CACNA1C: variants seen among roughly 807,000 people sequenced by gnomAD.
The protein encoded by CACNA1C is calcium voltage-gated channel subunit alpha1 C.
Under a neutral mutation model 229.0 loss-of-function variants are expected in CACNA1C, and 30 were observed. The ratio of observed to expected loss-of-function variants is 0.13; its 90% CI spans 0.10 to 0.18. CACNA1C has a LOEUF of 0.18. Ranked by LOEUF, CACNA1C falls within the 10% of genes least tolerant of loss-of-function variation. CACNA1C has a pLI of 1.00. For missense variants in CACNA1C, 1,658 were observed against 2,845.0 expected (o/e 0.58, Z 9.49); for synonymous variants, 1,114 against 1,132.5 (o/e 0.98, Z 0.33).
At chr12:1,973,229 T>G (rs1592855385) in intron 1 of CACNA1C, among the ~76,000 whole-genome samples, 1 of 152,170 alleles carries the variant, frequency 6.6e-6, no homozygotes, top group East Asian at 1.9e-4. Flanking sequence ...ATGGTTTTAC[T>G]GCACCTCACA....
intron 1 of CACNA1C, among the ~76,000 whole-genome samples, chr12:2,002,214 C>T (rs923123309): frequency 6.6e-6 from 1 of 152,208 alleles, no homozygotes; most frequent in Non-Finnish European, 1.5e-5. Context: ...ATCCCCCCTG[C>T]CTTCTTGTAA....
chr12:2,121,719 A>G (rs1388400229), intron 3 of CACNA1C, among the ~76,000 whole-genome samples: 2 of 152,228 alleles, frequency 1.3e-5, no homozygotes, highest in African/African-American at 4.8e-5. Flanking sequence ...GTCAAAATAA[A>G]TACAAGCCAA....
chr12:2,333,229 T>C (rs111907594), intron 3 of CACNA1C, among the ~76,000 whole-genome samples: 9 of 152,286 alleles, frequency 5.9e-5, no homozygotes, highest in African/African-American at 2.2e-4. Context: ...ACACTAAGTA[T>C]TGGAGAGACA....
At chr12:2,383,392 G>A (rs1451446680) in intron 3 of CACNA1C, among the ~76,000 whole-genome samples, 1 of 152,166 alleles carries the variant, frequency 6.6e-6, no homozygotes, top group African/African-American at 2.4e-5. Flanking sequence ...TAAGAGATCA[G>A]CAACATAGCT....
chr12:2,508,110 A>C (rs1443314475), intron 8 of CACNA1C, among the ~76,000 whole-genome samples: 2 of 152,242 alleles, frequency 1.3e-5, no homozygotes, highest in Admixed American at 6.5e-5. Context: ...GCAGATCTTC[A>C]TGGCCCTTGA....
chr12:2,198,780 C>T (rs2097497765), intron 3 of CACNA1C, among the ~76,000 whole-genome samples: 1 of 151,964 alleles, frequency 6.6e-6, no homozygotes, highest in Non-Finnish European at 1.5e-5. Context: ...CTGCTGTGGC[C>T]GGCCCTCATT....
In CACNA1C at chr12:2,431,362, C is replaced by T. The variant is rs545569252; in HGVS notation, c.478-17614C>T. 3.9e-5 allele frequency among the ~76,000 whole-genome samples: 6 copies of T among 152,346 alleles called. No individual in the cohort carries two copies. In the South Asian group the frequency reaches 1.2e-3, roughly 32 times the overall value. ...ATCAGACTCACAGAGGCTGTGTCAC[C>T]TACCCAAGGTCACCCAGCTTGATAA... On this transcript the variant is annotated intron_variant, in intron 3 of 46. Transcript: ENST00000399655.
At chr12:2,091,493 C>T (rs1001136777) in intron 1 of CACNA1C, among the ~76,000 whole-genome samples, 8 of 152,140 alleles carry the variant, frequency 5.3e-5, no homozygotes, top group Non-Finnish European at 1.2e-4. Flanking sequence ...TAGAGAATGC[C>T]CACATTCCTT....
At position 2,655,188 on chromosome 12, in the gene CACNA1C, C is replaced by T. The variant is rs751947456; in HGVS notation, c.4182C>T (p.Asn1394=). 6.2e-7 allele frequency: 1 copy of T among 1,613,826 alleles called. No homozygotes were observed. Among genetic ancestry groups the T allele is most frequent in the Admixed American group, 1.7e-5 (1 of 60,018 alleles). The part of the protein sequence containing the change: ...KIALNDTTEI[N]RNNNFQTFPQ... ...CCCTGAATGATACCACAGAGATCAA[C>T]CGGAACAACAACTTTCAGACCTTCC... Residue 1394 remains asparagine, a synonymous_variant, in exon 34 of 47, where the codon AAC becomes AAT. Transcript: ENST00000399655.
At chr12:2,260,581 G>T (rs973227912) in intron 3 of CACNA1C, among the ~76,000 whole-genome samples, 3 of 152,134 alleles carry the variant, frequency 2.0e-5, no homozygotes, top group Non-Finnish European at 4.4e-5. Context: ...TGGAGGCAAG[G>T]CTCTCACTTC....
chr12:2,212,184 A>G (rs987060068), intron 3 of CACNA1C, among the ~76,000 whole-genome samples: 5 of 152,198 alleles, frequency 3.3e-5, no homozygotes, highest in African/African-American at 1.2e-4. Context: ...GAAACAAAGA[A>G]TGAATTTTGT....
At chr12:2,162,897 A>G (rs1412404394) in intron 3 of CACNA1C, among the ~76,000 whole-genome samples, 1 of 152,184 alleles carries the variant, frequency 6.6e-6, no homozygotes, top group African/African-American at 2.4e-5. Flanking sequence ...GAACGTCTTC[A>G]TTAAAACTAG....
chr12:2,605,206 C>A lies in CACNA1C; in HGVS notation c.3048+38C>A. The A allele has an allele frequency of 7.0e-7, 1 of 1,427,650 alleles. No individual in the cohort carries two copies. The highest frequency in any genetic ancestry group is 9.9e-7 in the Non-Finnish European group (1 of 1,010,676). 88.4% of individuals were successfully genotyped at this position (1,427,650 alleles called of 1,614,324 possible). On this transcript the variant is annotated intron_variant, in intron 23 of 46. Transcript: ENST00000399655. This position sits in a 1 kb window ranked among gnomAD's most constrained non-coding sequence, Gnocchi z 6.2. Reference sequence around the variant, plus strand: ...CTTGGGTAGGGAGTCTCCAGCCAGCCCATTGGGGAGTGGGAGCTCCACAGA... The same window carrying A: ...CTTGGGTAGGGAGTCTCCAGCCAGCACATTGGGGAGTGGGAGCTCCACAGA...
At chr12:2,644,941 T>C (rs1053678654) in intron 30 of CACNA1C, among the ~76,000 whole-genome samples, 2 of 152,252 alleles carry the variant, frequency 1.3e-5, no homozygotes, top group African/African-American at 2.4e-5. Flanking sequence ...GCCTGTTATC[T>C]GGAACCACTA....
chr12:2,143,595 T>C (rs2094459862), intron 3 of CACNA1C, among the ~76,000 whole-genome samples: 1 of 151,338 alleles, frequency 6.6e-6, no homozygotes. Flanking sequence ...CTAGGCTGTA[T>C]GTAGCATACA....
chr12:2,138,207 T>A (rs981763678), intron 3 of CACNA1C, among the ~76,000 whole-genome samples: 1 of 151,340 alleles, frequency 6.6e-6, no homozygotes, highest in Non-Finnish European at 1.5e-5. Flanking sequence ...AGGTCAGGCA[T>A]CAAGAATAAG....
intron 3 of CACNA1C, among the ~76,000 whole-genome samples, chr12:2,124,325 T>C (rs79188959): frequency 0.015 from 2,267 of 152,242 alleles, 52 homozygotes; most frequent in African/African-American, 0.052. Flanking sequence ...TTCACATAGG[T>C]TGACATATTT....
intron 3 of CACNA1C, among the ~76,000 whole-genome samples, chr12:2,424,733 G>A (rs1183894050): frequency 2.0e-5 from 3 of 152,202 alleles, no homozygotes; most frequent in African/African-American, 7.2e-5. Context: ...AAGTGGCAAA[G>A]TCTGTTCCAG....
chr12:2,443,449 G>A (rs1291012679), intron 3 of CACNA1C, among the ~76,000 whole-genome samples: 4 of 152,150 alleles, frequency 2.6e-5, no homozygotes, highest in Non-Finnish European at 5.9e-5. Flanking sequence ...CCATGCTATT[G>A]GTCTGGGGTT....
Sources: allele counts gnomAD v4.1 joint callset (sites outside exome capture counted in the v4.1 genomes callset), GRCh38; gene constraint gnomAD v4.1.1; non-coding constraint Gnocchi (gnomAD v3.1); transcripts MANE v1.5; gene names NCBI Gene and HGNC (gene_info 2026-07-23, HGNC 2026-07-21).